The following GAP43 variants were observed in gnomAD, a reference collection of about 807,000 sequenced individuals.
GAP43 encodes growth associated protein 43.
A neutral mutation model predicts 18.6 loss-of-function variants in GAP43; 6 were observed. The ratio of observed to expected loss-of-function variants is 0.32; its 90% CI spans 0.18 to 0.64. The LOEUF (loss-of-function observed/expected upper bound fraction) is 0.64. GAP43 is among the 30% of genes least tolerant of loss of function. The probability of loss-of-function intolerance (pLI) is 0.78; values close to 1 mark genes in which losing one functional copy is unlikely to be tolerated. For synonymous variants in GAP43, 115 were observed against 111.4 expected (o/e 1.03, Z -0.20); for missense variants, 292 against 295.5 (o/e 0.99, Z 0.09).
At chr3:115,676,747 T>A in intron 2 of GAP43, 137 bp downstream of exon 2, 1 of 952,242 alleles carries the variant, frequency 1.1e-6, no homozygotes, top group Non-Finnish European at 1.5e-6. Context: ...AAGCTGTGCT[T>A]AATTTCCCAA....
At chr3:115,658,450 T>C (rs2107479137) in intron 1 of GAP43, 1 of 152,358 alleles carries the variant, frequency 6.6e-6, no homozygotes, top group East Asian at 1.9e-4. Context: ...TCTTTAGGCG[T>C]TCCCTCGGCG....
intron 2 of GAP43, among the ~76,000 whole-genome samples, chr3:115,699,999 T>A (rs558343381): frequency 6.6e-6 from 1 of 152,154 alleles, no homozygotes; most frequent in Non-Finnish European, 1.5e-5. Flanking sequence ...CAGGCAAGTA[T>A]AAGAAAGGGC....
chr3:115,676,975 T>C (rs1455837486), intron 2 of GAP43, among the ~76,000 whole-genome samples: 3 of 152,248 alleles, frequency 2.0e-5, no homozygotes, highest in Non-Finnish European at 4.4e-5. Context: ...AGGCTACATA[T>C]ATTTTATGGA....
At chr3:115,690,250 G>GC (rs960800016) in intron 2 of GAP43, among the ~76,000 whole-genome samples, 4 of 135,106 alleles carry the variant, frequency 3.0e-5, no homozygotes, top group African/African-American at 1.1e-4. Context: ...CATTGTCTGA[G>GC]CCCTTCTGCA....
At chr3:115,709,498 G>C (rs1296858471) in intron 2 of GAP43, among the ~76,000 whole-genome samples, 2 of 152,130 alleles carry the variant, frequency 1.3e-5, no homozygotes, top group Non-Finnish European at 2.9e-5. Flanking sequence ...AATTACTGAT[G>C]TGTTTCTTGT....
Position 115,623,675 on chromosome 3 carries a change from AG to A in GAP43, c.-12del. On this transcript the variant is annotated 5_prime_UTR_variant, in exon 1 of 3. Coordinates refer to ENST00000305124, the MANE Select transcript of GAP43 (RefSeq NM_002045.4). ...AAGGAGAGAAGGCAGGAAGAAGGCA[AG>A]GGACGAGACAACCATGCTGTGCTGT... 1 of 1,614,130 alleles carries A rather than the reference AG, an allele frequency of 6.2e-7. No homozygotes were observed. Among genetic ancestry groups the A allele is most frequent in the South Asian group, 1.1e-5 (1 of 91,090 alleles).
chr3:115,691,215 T>G (rs916192527), intron 2 of GAP43, among the ~76,000 whole-genome samples: 14 of 152,224 alleles, frequency 9.2e-5, no homozygotes, highest in African/African-American at 3.4e-4. Flanking sequence ...TATTTTGTAT[T>G]CGAAGTAATA....
intron 2 of GAP43, among the ~76,000 whole-genome samples, chr3:115,719,500 G>A (rs1366487728): frequency 6.6e-6 from 1 of 152,074 alleles, no homozygotes; most frequent in African/African-American, 2.4e-5. Flanking sequence ...GCTTGCTGGA[G>A]GGTGCCTACA....
chr3:115,628,236 C>T (rs569938285), intron 1 of GAP43, among the ~76,000 whole-genome samples: 1 of 152,018 alleles, frequency 6.6e-6, no homozygotes, highest in South Asian at 2.1e-4. Context: ...GCTCCTCCCC[C>T]CGTGTTTTCC....
At chr3:115,636,714 T>C (rs1400866744) in intron 1 of GAP43, among the ~76,000 whole-genome samples, 2 of 152,134 alleles carry the variant, frequency 1.3e-5, no homozygotes, top group Non-Finnish European at 2.9e-5. Context: ...AATTCTAATT[T>C]ATTTACTTAT....
chr3:115,667,208 C>G (rs1708745193), intron 1 of GAP43, among the ~76,000 whole-genome samples: 1 of 152,134 alleles, frequency 6.6e-6, no homozygotes, highest in Admixed American at 6.5e-5. Context: ...AGATAAAGTT[C>G]TGTTCTCAGA....
chr3:115,700,225 T>C (rs1329328789), intron 2 of GAP43, among the ~76,000 whole-genome samples: 6 of 152,210 alleles, frequency 3.9e-5, no homozygotes, highest in African/African-American at 1.4e-4. Flanking sequence ...ATAATAATCA[T>C]GTCTGAACGC....
chr3:115,647,171 A>G (rs1408025081), intron 1 of GAP43, among the ~76,000 whole-genome samples: 1 of 88,292 alleles, frequency 1.1e-5, no homozygotes, highest in Non-Finnish European at 2.5e-5. Context: ...AAGAGACCCC[A>G]TAGAGCTTCC....
chr3:115,650,381 C>T (rs1708506785), intron 1 of GAP43, among the ~76,000 whole-genome samples: 1 of 152,130 alleles, frequency 6.6e-6, no homozygotes, highest in Admixed American at 6.6e-5. Context: ...ATTATGTGCA[C>T]ACATGAAGTT....
At chr3:115,699,384 G>A (rs920329548) in intron 2 of GAP43, among the ~76,000 whole-genome samples, 2 of 151,826 alleles carry the variant, frequency 1.3e-5, no homozygotes, top group East Asian at 1.9e-4. Context: ...CCACCACTAC[G>A]CACCCACCCA....
At chr3:115,666,424 C>A (rs1406738287) in intron 1 of GAP43, among the ~76,000 whole-genome samples, 1 of 152,134 alleles carries the variant, frequency 6.6e-6, no homozygotes, top group Non-Finnish European at 1.5e-5. Context: ...ACCAAATCTC[C>A]TCTGGTATTT....
intron 1 of GAP43, among the ~76,000 whole-genome samples, chr3:115,669,164 T>C (rs755379263): frequency 6.6e-6 from 1 of 152,138 alleles, no homozygotes; most frequent in Non-Finnish European, 1.5e-5. Flanking sequence ...TTATCTTAGA[T>C]GTATTATTAT....
Position 115,700,533 on chromosome 3 carries a change from A to C in GAP43, c.629-20261A>C, listed in dbSNP as rs576678208. ...AGAGTCTTCCTAGCTGTAACATGTAAATAAACCCACCTTTGCTCAACTATA... is the reference window on the plus strand; with the variant it reads ...AGAGTCTTCCTAGCTGTAACATGTACATAAACCCACCTTTGCTCAACTATA... On this transcript the variant is annotated intron_variant, in intron 2 of 2. Coordinates refer to ENST00000305124, the MANE Select transcript of GAP43 (RefSeq NM_002045.4). Among the ~76,000 whole-genome samples the C allele has an allele frequency of 3.9e-5, 6 of 152,192 alleles. 1 individual carries two copies. The South Asian group carries it at 1.2e-3, about 32-fold the overall frequency.
intron 1 of GAP43, among the ~76,000 whole-genome samples, chr3:115,626,007 T>A (rs1437524171): frequency 6.6e-6 from 1 of 152,232 alleles, no homozygotes; most frequent in East Asian, 1.9e-4. Flanking sequence ...ACCACTGTTG[T>A]GTATCATTCA....
Sources: allele counts gnomAD v4.1 joint callset (sites outside exome capture counted in the v4.1 genomes callset), GRCh38; gene constraint gnomAD v4.1.1; transcripts MANE v1.5; gene names NCBI Gene and HGNC (gene_info 2026-07-23, HGNC 2026-07-21).